The following PCDHA3 variants were observed in gnomAD, a reference collection of about 807,000 sequenced individuals.
The protein encoded by PCDHA3 is protocadherin alpha 3.
A neutral mutation model predicts 62.2 loss-of-function variants in PCDHA3; 41 were observed. The observed-to-expected ratio is 0.66, with a 90% CI of 0.51 to 0.86. The LOEUF is 0.86. Ranked by LOEUF, PCDHA3 falls within the 40% of genes least tolerant of loss-of-function variation. The probability of loss-of-function intolerance (pLI) is 0.00; values close to 1 mark genes in which losing one functional copy is unlikely to be tolerated. For synonymous variants in PCDHA3, 640 were observed against 555.4 expected (o/e 1.15, Z -2.14); for missense variants, 1,304 against 1,241.2 (o/e 1.05, Z -0.76).
intron 1 of PCDHA3, chr5:140,871,513 C>T (rs1554165693): frequency 6.4e-7 from 1 of 1,574,300 alleles, no homozygotes; most frequent in South Asian, 1.2e-5. Context: ...TCTACAGATT[C>T]CACCTATCAG....
intron 1 of PCDHA3, among the ~76,000 whole-genome samples, chr5:140,948,544 G>A (rs2094271073): frequency 1.3e-5 from 2 of 151,392 alleles, no homozygotes; most frequent in Admixed American, 1.3e-4. Flanking sequence ...TTCATGCTCT[G>A]TCAATTTTGT....
chr5:140,902,855 G>A lies in PCDHA3; in HGVS notation c.2395-76094G>A, dbSNP rs137957286. On this transcript the variant is annotated intron_variant, in intron 1 of 3. Coordinates refer to ENST00000522353, the MANE Select transcript of PCDHA3 (RefSeq NM_018906.3). ...GAGTTACTTCACTTAGAAAAATGGC[G>A]TCCAGGTCCACCCAAGCTGCTGCAA... is the stretch of plus-strand genomic sequence containing the variant. Among the ~76,000 whole-genome samples, 742 of 152,204 alleles carry A rather than the reference G, an allele frequency of 4.9e-3. 1 individual carries two copies. The highest frequency in any genetic ancestry group is 7.5e-3 in the Admixed American group (115 of 15,274).
intron 1 of PCDHA3, chr5:140,830,424 C>G: frequency 3.7e-6 from 6 of 1,613,930 alleles, no homozygotes; most frequent in Non-Finnish European, 5.1e-6. Flanking sequence ...AGCCTTTCAC[C>G]TTGTCCTATT....
intron 3 of PCDHA3, among the ~76,000 whole-genome samples, chr5:140,999,088 G>A (rs1429141341): frequency 1.3e-5 from 2 of 152,274 alleles, no homozygotes; most frequent in African/African-American, 4.8e-5. Flanking sequence ...TCCTTCAGAG[G>A]GCTATGGAGA....
intron 1 of PCDHA3, chr5:140,829,429 C>G: frequency 5.0e-6 from 8 of 1,614,012 alleles, no homozygotes; most frequent in African/African-American, 1.3e-5. Context: ...TGGAGGTGGC[C>G]GACATGAATG....
intron 3 of PCDHA3, among the ~76,000 whole-genome samples, chr5:140,987,224 A>C (rs28567024): frequency 6.6e-6 from 1 of 151,930 alleles, no homozygotes; most frequent in South Asian, 2.1e-4. Context: ...AAAAAAAAAA[A>C]AAATAATAAA....
At chr5:140,993,462 TCACACACACACACACACACACA>T (rs3836747) in intron 3 of PCDHA3, among the ~76,000 whole-genome samples, 6 of 141,044 alleles carry the variant, frequency 4.3e-5, no homozygotes, top group East Asian at 4.2e-4. Context: ...TCTTTCTTTC[TCACACACACACACACACACACA>T]CACACACACA....
chr5:140,899,225 A>C (rs1479429839), intron 1 of PCDHA3, among the ~76,000 whole-genome samples: 1 of 152,038 alleles, frequency 6.6e-6, no homozygotes, highest in African/African-American at 2.4e-5. Context: ...TTCCAACACT[A>C]TGTTGAATAG....
chr5:140,822,975 C>T (rs2150120923), intron 1 of PCDHA3: 6 of 1,614,234 alleles, frequency 3.7e-6, no homozygotes, highest in Non-Finnish European at 5.1e-6. Context: ...TGTCCACCTT[C>T]AAGAATTACT....
rs571904104 is a variant in PCDHA3, at chr5:140,891,379, AT to A, written c.2395-87567del. On this transcript the variant is annotated intron_variant, in intron 1 of 3. Transcript: ENST00000522353. ...ACCTGAGCAGTATACATTGCACCATATTTGCAATCTTTTATCCCTCGCCACC... is the reference window on the plus strand; with the variant it reads ...ACCTGAGCAGTATACATTGCACCATATTGCAATCTTTTATCCCTCGCCACC... Among the ~76,000 whole-genome samples, 7 of 151,980 alleles carry A rather than the reference AT, an allele frequency of 4.6e-5. No individual in the cohort carries two copies. In the South Asian group the frequency reaches 1.5e-3, roughly 32 times the overall value.
At chr5:140,923,878 G>A (rs1475731417) in intron 1 of PCDHA3, among the ~76,000 whole-genome samples, 3 of 152,192 alleles carry the variant, frequency 2.0e-5, no homozygotes, top group Non-Finnish European at 4.4e-5. Context: ...TCTGAGAAGC[G>A]TGTGAAAGAG....
intron 1 of PCDHA3, chr5:140,884,069 T>A (rs2059977023): frequency 6.2e-7 from 1 of 1,613,394 alleles, no homozygotes; most frequent in Non-Finnish European, 8.5e-7. Flanking sequence ...GGACGCCGAT[T>A]CGGGCTACAA....
At chr5:141,005,701 CAAAAAAAAAAAAAAAAAAAA>C (rs59860837) in intron 3 of PCDHA3, among the ~76,000 whole-genome samples, 1 of 7,786 alleles carries the variant, frequency 1.3e-4, no homozygotes, top group Admixed American at 1.6e-3. Flanking sequence ...AACTCCGTCT[CAAAAAAAAAAAAAAAAAAAA>C]AAAAAAAAAA....
At chr5:140,996,922 A>T (rs2097752714) in intron 3 of PCDHA3, among the ~76,000 whole-genome samples, 1 of 152,198 alleles carries the variant, frequency 6.6e-6, no homozygotes, top group African/African-American at 2.4e-5. Flanking sequence ...AATATTAAAA[A>T]ATATAGCATT....
intron 1 of PCDHA3, among the ~76,000 whole-genome samples, chr5:140,894,202 A>G (rs1554185980): frequency 6.6e-6 from 1 of 152,034 alleles, no homozygotes. Context: ...TTTCTATGCT[A>G]TTATATTCTC....
At chr5:140,894,506 A>G (rs533835142) in intron 1 of PCDHA3, among the ~76,000 whole-genome samples, 2 of 151,922 alleles carry the variant, frequency 1.3e-5, no homozygotes, top group Non-Finnish European at 2.9e-5. Flanking sequence ...GGCATTATCC[A>G]TAGTGTTTAT....
At chr5:140,906,022 C>T (rs782487413) in intron 1 of PCDHA3, among the ~76,000 whole-genome samples, 9 of 152,192 alleles carry the variant, frequency 5.9e-5, no homozygotes, top group African/African-American at 1.2e-4. Context: ...AATCTCTCCA[C>T]GTTCTTCTGT....
chr5:140,876,992 A>T (rs1222630901), intron 1 of PCDHA3: 1 of 1,612,438 alleles, frequency 6.2e-7, no homozygotes, highest in Non-Finnish European at 8.5e-7. Flanking sequence ...CTGTCGAGCT[A>T]CGTGTCGGTG....
At chr5:140,968,634 A>T (rs782166097) in intron 1 of PCDHA3, 7 of 1,614,176 alleles carry the variant, frequency 4.3e-6, no homozygotes, top group Non-Finnish European at 5.9e-6. Flanking sequence ...CTTTTTTACC[A>T]TCTAGCCCAG....
Sources: allele counts gnomAD v4.1 joint callset (sites outside exome capture counted in the v4.1 genomes callset), GRCh38; gene constraint gnomAD v4.1.1; transcripts MANE v1.5; gene names NCBI Gene and HGNC (gene_info 2026-07-23, HGNC 2026-07-21).